The following CEP295 variants were observed in gnomAD, a reference collection of about 807,000 sequenced individuals.
The protein encoded by CEP295 is centrosomal protein 295, also known as centrosomal protein of 295 kDa.
Under a neutral mutation model 291.6 loss-of-function variants are expected in CEP295, and 190 were observed. The observed-to-expected ratio is 0.65, with a 90% CI of 0.58 to 0.73. The LOEUF (loss-of-function observed/expected upper bound fraction) is 0.73. CEP295 is among the 30% of genes least tolerant of loss of function. The pLI is 0.00. For missense variants in CEP295, 2,863 were observed against 2,949.4 expected, an observed-to-expected ratio of 0.97 and a Z score of 0.68; for synonymous variants, 993 against 1,038.8, an observed-to-expected ratio of 0.96 and a Z score of 0.85.
At chr11:93,693,752 CAAAAAAAA>C (rs901570596) in intron 12 of CEP295, among the ~76,000 whole-genome samples, 7 of 147,166 alleles carry the variant, frequency 4.8e-5, no homozygotes, top group Middle Eastern at 3.4e-3. Context: ...GAAACTATCT[CAAAAAAAA>C]AGAAAAAAAG....
intron 23 of CEP295, 28 bp downstream of exon 23, chr11:93,725,859 A>C: frequency 6.5e-7 from 1 of 1,530,542 alleles, no homozygotes; most frequent in Non-Finnish European, 8.8e-7. Context: ...AGAAAAAGTT[A>C]ATTTTTCCAT....
At chr11:93,727,923 A>T (rs1357699195) in intron 24 of CEP295, 2 of 254,192 alleles carry the variant, frequency 7.9e-6, no homozygotes, top group Non-Finnish European at 1.5e-5. Flanking sequence ...AAAAATTTGA[A>T]AACTGTCTTC....
chr11:93,687,221 A>C (rs983415152), intron 9 of CEP295, among the ~76,000 whole-genome samples: 2 of 152,282 alleles, frequency 1.3e-5, no homozygotes, highest in South Asian at 4.1e-4. Context: ...GTAGCTCACT[A>C]AGAAATACAG....
At chr11:93,703,069 A>G in intron 17 of CEP295, 150 bp downstream of exon 17, 1 of 648,790 alleles carries the variant, frequency 1.5e-6, no homozygotes, top group Non-Finnish European at 2.5e-6. Flanking sequence ...GTTCAAGCAA[A>G]TCTCCTGCCT....
chr11:93,714,885 G>A (rs754981638), intron 18 of CEP295, among the ~76,000 whole-genome samples: 11 of 152,122 alleles, frequency 7.2e-5, no homozygotes, highest in Non-Finnish European at 1.3e-4. Flanking sequence ...CTGGAGCTGG[G>A]GGGAGGGGTG....
At position 93,700,076 on chromosome 11, in the gene CEP295, C is replaced by T. The variant is rs1248636746; in HGVS notation, c.5164C>T (p.His1722Tyr). 1 of 1,551,786 alleles carries T rather than the reference C, an allele frequency of 6.4e-7. No individual in the cohort carries two copies. Among genetic ancestry groups the T allele is most frequent in the Admixed American group, 2.0e-5 (1 of 50,998 alleles). ...KQLDLQREVL[H>Y]YSQKAQEKLL... ...GTTGGATCTACAAAGAGAAGTTCTG[C>T]ATTATAGCCAGAAAGCCCAGGAAAA... Residue 1722 changes from histidine to tyrosine, a missense_variant, in exon 15 of 30, where the codon CAT becomes TAT. Coordinates refer to ENST00000325212, the MANE Select transcript of CEP295 (RefSeq NM_033395.2).
chr11:93,691,997 A>G lies in CEP295; in HGVS notation c.1500A>G (p.Ala500=), dbSNP rs560903108. The G allele has an allele frequency of 4.4e-5, 67 of 1,533,196 alleles. 1 individual carries two copies. The African/African-American group carries it at 8.5e-4, about 19-fold the overall frequency. 95.0% of individuals were successfully genotyped at this position (1,533,196 alleles called of 1,614,324 possible). The change falls in exon 12 of 30, where the codon GCA becomes GCG. Residue 500 remains alanine (A), a synonymous_variant. Coordinates refer to ENST00000325212, the MANE Select transcript of CEP295 (RefSeq NM_033395.2). The part of the protein sequence containing the change: ...SSVLLHPQEA[A]ARIRMSARQK... The stretch of plus-strand genomic sequence containing the variant: ...TTCTACTTCATCCTCAAGAAGCAGC[A>G]GCCAGGATTAGAATGTCAGCAAGGC...
At chr11:93,712,792 G>C (rs1458604181) in intron 18 of CEP295, among the ~76,000 whole-genome samples, 1 of 151,634 alleles carries the variant, frequency 6.6e-6, no homozygotes, top group Non-Finnish European at 1.5e-5. Flanking sequence ...ATTTACTCTT[G>C]TCATTTTGTT....
intron 18 of CEP295, among the ~76,000 whole-genome samples, chr11:93,713,875 G>C (rs1055581842): frequency 6.6e-6 from 1 of 152,022 alleles, no homozygotes; most frequent in South Asian, 2.1e-4. Flanking sequence ...TGTCTCCTCT[G>C]TGCATTTTCA....
At chr11:93,669,342 C>T (rs778574902) in intron 4 of CEP295, among the ~76,000 whole-genome samples, 1 of 151,026 alleles carries the variant, frequency 6.6e-6, no homozygotes, top group African/African-American at 2.4e-5. Flanking sequence ...TCACAGGAAA[C>T]GTGAGTGAAG....
intron 18 of CEP295, 21 bp downstream of exon 18, chr11:93,706,918 G>A: frequency 2.6e-6 from 4 of 1,509,868 alleles, no homozygotes; most frequent in Non-Finnish European, 3.6e-6. Flanking sequence ...AATGGAAAGT[G>A]GAATTGTATG....
Position 93,723,130 on chromosome 11 carries a change from T to G in CEP295, c.6037T>G (p.Ser2013Ala). 2.6e-6 allele frequency: 4 copies of G among 1,551,958 alleles called. No homozygotes were observed. Among genetic ancestry groups the G allele is most frequent in the Non-Finnish European group, 3.5e-6 (4 of 1,147,022 alleles). Residue 2013 changes from serine (S) to alanine (A), a missense_variant, in exon 21 of 30, where the codon TCA becomes GCA. Ser to Ala is a moderately conservative substitution (Grantham distance 99). This residue lies in a region of CEP295 where 2,295 missense variants were observed against 2,335.7 expected (regional missense o/e 0.98). Transcript: ENST00000325212. Reference sequence around the variant, plus strand: ...AAATATTATAAGTTCCATAGTTCCTTCAACACAAGATATTTATCAGCGGCA... The same window carrying G: ...AAATATTATAAGTTCCATAGTTCCTGCAACACAAGATATTTATCAGCGGCA... ...ETNIISSIVP[S>A]TQDIYQRQNS...
chr11:93,672,826 T>A (rs371489761), intron 5 of CEP295, among the ~76,000 whole-genome samples: 1 of 24,586 alleles, frequency 4.1e-5, no homozygotes, highest in Admixed American at 5.4e-4. Flanking sequence ...TCACTGGAAA[T>A]CCTGTTATAA....
chr11:93,694,178 A>G (rs1951735258), intron 12 of CEP295, among the ~76,000 whole-genome samples: 1 of 152,256 alleles, frequency 6.6e-6, no homozygotes, highest in Non-Finnish European at 1.5e-5. Context: ...TATCTCTAGT[A>G]GAAGTGCTGC....
chr11:93,727,923 A>G lies in CEP295; in HGVS notation c.7161+286A>G, dbSNP rs1357699195. 5 of 254,074 alleles carry G rather than the reference A, an allele frequency of 2.0e-5. No individual in the cohort carries two copies. The Admixed American group carries it at 2.0e-4, about 10-fold the overall frequency. 15.7% of individuals were successfully genotyped at this position (254,074 alleles called of 1,614,324 possible). A position where few individuals can be genotyped will look rare whatever the true frequency, so the allele number is the denominator to read the frequency against. On this transcript the variant is annotated intron_variant, in intron 24 of 29. Coordinates refer to ENST00000325212, the MANE Select transcript of CEP295 (RefSeq NM_033395.2). ...ATAATGCAGAAACTTAAAAATTTGAAAACTGTCTTCTGAGAGTATTTTACA... is the reference window on the plus strand; with the variant it reads ...ATAATGCAGAAACTTAAAAATTTGAGAACTGTCTTCTGAGAGTATTTTACA...
At chr11:93,682,316 T>C (rs1275115678) in intron 7 of CEP295, among the ~76,000 whole-genome samples, 1 of 152,186 alleles carries the variant, frequency 6.6e-6, no homozygotes, top group Non-Finnish European at 1.5e-5. Context: ...CTCTGCCTCC[T>C]GGGTTCAAGC....
At chr11:93,686,980 G>C (rs1304327171) in intron 9 of CEP295, among the ~76,000 whole-genome samples, 1 of 152,118 alleles carries the variant, frequency 6.6e-6, no homozygotes, top group Non-Finnish European at 1.5e-5. Context: ...ATATGTACTT[G>C]CATCACACTT....
At chr11:93,700,795 TAA>T (rs2135134754) in intron 15 of CEP295, among the ~76,000 whole-genome samples, 1 of 152,348 alleles carries the variant, frequency 6.6e-6, no homozygotes, top group African/African-American at 2.4e-5. Flanking sequence ...ATTTAAATTG[TAA>T]AAATAACTGG....
At chr11:93,664,537 T>C (rs1173732466) in intron 1 of CEP295, among the ~76,000 whole-genome samples, 2 of 152,338 alleles carry the variant, frequency 1.3e-5, no homozygotes, top group Non-Finnish European at 2.9e-5. Context: ...TTAGTCCTTT[T>C]TGGTGTTAGA....
Sources: gnomAD v4.1 joint callset for allele counts (sites outside exome capture counted in the v4.1 genomes callset) on GRCh38, gnomAD v4.1.1 for gene constraint, gnomAD v4.1.1 regional missense constraint, MANE v1.5 for transcripts, NCBI Gene and HGNC (gene_info 2026-07-23, HGNC 2026-07-21) for gene names.